The following KLHDC4 variants were observed in gnomAD, a reference collection of about 807,000 sequenced individuals.
The protein encoded by KLHDC4 is kelch domain-containing protein 4.
KLHDC4 carries 90 observed loss-of-function variants against 62.4 expected under a neutral mutation model. The ratio of observed to expected loss-of-function variants is 1.44; its 90% CI spans 1.22 to 1.72. KLHDC4 has a LOEUF of 1.72. Ranked by LOEUF, KLHDC4 falls within the 40% of genes most tolerant of loss-of-function variation. The pLI is 0.00. For missense variants in KLHDC4, 1,025 were observed against 699.7 expected (o/e 1.47, Z -5.25); for synonymous variants, 386 against 284.4 (o/e 1.36, Z -3.59).
chr16:87,753,192 G>T (rs969238750), intron 4 of KLHDC4, among the ~76,000 whole-genome samples: 4 of 152,220 alleles, frequency 2.6e-5, no homozygotes, highest in African/African-American at 9.7e-5. Context: ...AATCTGCACG[G>T]GGGCGTCCCC....
intron 1 of KLHDC4, among the ~76,000 whole-genome samples, chr16:87,765,504 G>A (rs2046518901): frequency 1.3e-5 from 2 of 152,130 alleles, no homozygotes; most frequent in Non-Finnish European, 2.9e-5. Flanking sequence ...GGAGAAGGGA[G>A]GAGGGGGAGG....
At chr16:87,709,842 G>C (rs116166948) in intron 9 of KLHDC4, 175 bp from the exon 10 acceptor site, 1 of 707,814 alleles carries the variant, frequency 1.4e-6, no homozygotes, top group Non-Finnish European at 2.3e-6. Flanking sequence ...GGCTGCAGGA[G>C]CACGCTCCTG....
At chr16:87,733,376 T>C (rs577496200) in intron 5 of KLHDC4, among the ~76,000 whole-genome samples, 16 of 152,324 alleles carry the variant, frequency 1.1e-4, no homozygotes, top group African/African-American at 3.8e-4. Flanking sequence ...CAGAGGTGCT[T>C]ACGCCGGCCA....
At chr16:87,758,328 G>C (rs1208301862) in intron 2 of KLHDC4, among the ~76,000 whole-genome samples, 1 of 152,178 alleles carries the variant, frequency 6.6e-6, no homozygotes, top group Non-Finnish European at 1.5e-5. Context: ...CAGATGAGTG[G>C]ACAAACACAA....
chr16:87,764,190 G>T (rs1395437785), intron 1 of KLHDC4, among the ~76,000 whole-genome samples: 1 of 152,182 alleles, frequency 6.6e-6, no homozygotes, highest in Non-Finnish European at 1.5e-5. Context: ...GATCCTCTGT[G>T]GGTCTAGCCT....
intron 7 of KLHDC4, among the ~76,000 whole-genome samples, chr16:87,723,843 TTTTC>T (rs1597498270): frequency 6.6e-6 from 1 of 152,344 alleles, no homozygotes; most frequent in Non-Finnish European, 1.5e-5. Context: ...GCCTTTTCTT[TTTTC>T]TTTTTTTTGA....
Position 87,748,758 on chromosome 16 carries a change from A to G in KLHDC4, c.421T>C (p.Phe141Leu), listed in dbSNP as rs558695267. The part of the protein sequence containing the change: ...GGQLWVFGGE[F>L]ASPNGEQFYH... ...AACTGCTCTCCGTTGGGAGAGGCAA[A>G]CTCCCCTCCAAAGACCCACAGCTGT... Residue 141 changes from phenylalanine (F) to leucine (L), a missense_variant, in exon 5 of 12, where the codon TTT becomes CTT. Coordinates refer to ENST00000270583, the MANE Select transcript of KLHDC4 (RefSeq NM_017566.4). 27 of 1,611,824 alleles carry G rather than the reference A, an allele frequency of 1.7e-5. 1 individual carries two copies. The highest frequency in any genetic ancestry group is 1.6e-4 in the East Asian group (7 of 44,784).
chr16:87,763,425 A>T (rs2046168779), intron 1 of KLHDC4: 1 of 152,160 alleles, frequency 6.6e-6, no homozygotes, highest in Non-Finnish European at 1.5e-5. Context: ...CAACACGGTG[A>T]AACCCCGTCT....
chr16:87,711,760 G>A (rs1051057531), intron 8 of KLHDC4, among the ~76,000 whole-genome samples: 5 of 152,244 alleles, frequency 3.3e-5, no homozygotes, highest in Non-Finnish European at 7.3e-5. Context: ...GACACACAGA[G>A]GGGCTTCTGT....
chr16:87,754,924 C>G (rs561238850), intron 4 of KLHDC4, among the ~76,000 whole-genome samples: 1 of 152,266 alleles, frequency 6.6e-6, no homozygotes, highest in Admixed American at 6.5e-5. Flanking sequence ...AGCATTCTGC[C>G]AGTGGCTGCG....
intron 2 of KLHDC4, among the ~76,000 whole-genome samples, chr16:87,760,005 T>C (rs745763625): frequency 6.6e-6 from 1 of 152,066 alleles, no homozygotes; most frequent in Non-Finnish European, 1.5e-5. Context: ...GATATGCTCA[T>C]TTAGAAACTG....
intron 5 of KLHDC4, among the ~76,000 whole-genome samples, chr16:87,738,714 CCCACACACCAGCACCTCATCCAT>C (rs2041786385): frequency 2.1e-5 from 2 of 96,096 alleles, no homozygotes; most frequent in African/African-American, 4.1e-5. Flanking sequence ...ACCTCATCCA[CCCACACACCAGCACCTCATCCAT>C]CCACACACCA....
At chr16:87,747,545 G>A (rs935700133) in intron 5 of KLHDC4, 18 of 152,114 alleles carry the variant, frequency 1.2e-4, no homozygotes, top group Admixed American at 6.5e-4. Context: ...GAAAAGCCTG[G>A]GAACACAGTA....
At chr16:87,738,326 A>C (rs564822206) in intron 5 of KLHDC4, among the ~76,000 whole-genome samples, 1 of 152,062 alleles carries the variant, frequency 6.6e-6, no homozygotes, top group East Asian at 1.9e-4. Flanking sequence ...TCAGGAGAAA[A>C]CAGTGCGTAT....
chr16:87,761,269 G>C (rs752823933), intron 2 of KLHDC4, among the ~76,000 whole-genome samples: 1 of 152,124 alleles, frequency 6.6e-6, no homozygotes. Context: ...CCGGTGGGTG[G>C]GACTCGGGCA....
chr16:87,756,348 C>T, intron 3 of KLHDC4, 51 bp downstream of exon 3: 1 of 1,346,242 alleles, frequency 7.4e-7, no homozygotes, highest in Non-Finnish European at 1.1e-6. Flanking sequence ...AACTTTCTGT[C>T]AAATGATACT....
intron 7 of KLHDC4, among the ~76,000 whole-genome samples, chr16:87,718,638 G>C (rs569528056): frequency 9.2e-5 from 14 of 151,624 alleles, no homozygotes; most frequent in Admixed American, 2.6e-4. Flanking sequence ...GCCTCTGCCC[G>C]GCCGCCACCT....
At chr16:87,708,564 T>C (rs1302271586) in intron 10 of KLHDC4, 98 bp from the exon 11 acceptor site, 2 of 763,068 alleles carry the variant, frequency 2.6e-6, no homozygotes, top group African/African-American at 3.5e-5. Context: ...GGGATTCCAT[T>C]TTCTTAAGAA....
chr16:87,711,934 G>GCCTGCACGCGGACCCTCCGC (rs1650247464), intron 8 of KLHDC4, among the ~76,000 whole-genome samples: 1 of 135,452 alleles, frequency 7.4e-6, no homozygotes, highest in African/African-American at 3.4e-5. Context: ...CCCCCCTTGG[G>GCCTGCACGCGGACCCTCCGC]CCTGCACGGG....
Sources: allele counts gnomAD v4.1 joint callset (sites outside exome capture counted in the v4.1 genomes callset), GRCh38; gene constraint gnomAD v4.1.1; transcripts MANE v1.5; gene names NCBI Gene and HGNC (gene_info 2026-07-23, HGNC 2026-07-21).